Variants in SLC66A1 observed in about 807,000 individuals in gnomAD.
The protein encoded by SLC66A1 is lysosomal amino acid transporter 1 homolog.
SLC66A1 carries 23 observed loss-of-function variants against 33.0 expected under a neutral mutation model. The ratio of observed to expected loss-of-function variants is 0.70; its 90% CI spans 0.50 to 0.99. SLC66A1 has a LOEUF of 0.99. Among genes scored for constraint, SLC66A1 ranks in the 50% least tolerant of loss-of-function variants. The probability of loss-of-function intolerance (pLI) is 0.00; values close to 1 mark genes in which losing one functional copy is unlikely to be tolerated. For missense variants in SLC66A1, 335 were observed against 383.6 expected, an observed-to-expected ratio of 0.87 and a Z score of 1.06; for synonymous variants, 164 against 175.5, an observed-to-expected ratio of 0.93 and a Z score of 0.52.
downstream of SLC66A1, among the ~76,000 whole-genome samples, chr1:19,331,085 C>A (rs894947785): frequency 1.3e-5 from 2 of 152,218 alleles, no homozygotes; most frequent in African/African-American, 4.8e-5. Flanking sequence ...GATCTCAGCT[C>A]ACTGCAACCT....
At chr1:19,326,093 T>A in intron 4 of SLC66A1, 152 bp from the exon 5 acceptor site, 1 of 700,208 alleles carries the variant, frequency 1.4e-6, no homozygotes, top group South Asian at 1.9e-5. Flanking sequence ...GTTGTACCCA[T>A]TCGACAGATG....
rs2093787454 is a variant in SLC66A1 at position 19,313,330 on chromosome 1, A to G, written c.-79+441A>G. The G allele has an allele frequency of 4.2e-6, 3 of 715,710 alleles. No homozygotes were observed. The African/African-American group carries it at 6.2e-5, about 15-fold the overall frequency. 44.3% of individuals were successfully genotyped at this position (715,710 alleles called of 1,614,324 possible). A position where few individuals can be genotyped will look rare whatever the true frequency, so the allele number is the denominator to read the frequency against. ...TCTCTTCCACCCTTTCTCCTTTCTC[A>G]CCCGTTTCCTCTCTTCTTCACTCTG... On this transcript the variant is annotated intron_variant, in intron 1 of 7. Transcript: ENST00000375153.
At chr1:19,325,363 A>G in intron 3 of SLC66A1, 132 bp from the exon 4 acceptor site, 1 of 643,290 alleles carries the variant, frequency 1.6e-6, no homozygotes, top group Non-Finnish European at 2.7e-6. Context: ...TTGCCAGATA[A>G]GGAAACAGAA....
Position 19,328,458 on chromosome 1 carries a change from C to A in SLC66A1, c.805-114C>A. On this transcript the variant is annotated intron_variant, in intron 7 of 7. Transcript: ENST00000375153. The surrounding 1 kb of genome is among the most constrained non-coding windows in gnomAD (Gnocchi z 4.7). ...GGTTATGGCTGGCCCTTCCCACCTG[C>A]AGCGTGGGGGTGGGAGGGAGGGGAG... 1 of 961,626 alleles carries A rather than the reference C, an allele frequency of 1.0e-6. No individual in the cohort carries two copies. The highest frequency in any genetic ancestry group is 1.6e-6 in the Non-Finnish European group (1 of 623,394). The allele number at this position is 961,626 out of a possible 1,614,324, so 59.6% of individuals were successfully genotyped here.
chr1:19,317,471 A>G, intron 1 of SLC66A1, 129 bp from the exon 2 acceptor site: 1 of 1,216,166 alleles, frequency 8.2e-7, no homozygotes, highest in Non-Finnish European at 1.1e-6. Flanking sequence ...GGTGAAGATT[A>G]TGTCTTTGCC....
At chr1:19,332,491 C>T (rs75124641), downstream of SLC66A1, among the ~76,000 whole-genome samples, 1,467 of 152,270 alleles carry the variant, frequency 9.6e-3, 12 homozygotes, top group African/African-American at 0.033. Flanking sequence ...GGGCCAAGGC[C>T]GGGTGCAGTG....
chr1:19,324,527 G>T, intron 2 of SLC66A1, 106 bp from the exon 3 acceptor site: 1 of 1,412,606 alleles, frequency 7.1e-7, no homozygotes, highest in Non-Finnish European at 9.7e-7. Context: ...CCTCTCCATC[G>T]CCGCCTCGAT....
Position 19,325,567 on chromosome 1 carries a change from A to T in SLC66A1, c.367A>T (p.Thr123Ser). ...GCTGTACTTTTACTACAAGTTCAGG[A>T]CGCGCCCCTCTCTGTGTGAGTATGG... Reference protein sequence around the residue: ...LTLYFYYKFRTRPSLLSAPIN... With the variant: ...LTLYFYYKFRSRPSLLSAPIN... Residue 123 changes from threonine to serine, a missense_variant, in exon 4 of 8, where the codon ACG becomes TCG. Thr to Ser is a moderately conservative substitution (Grantham distance 58). Coordinates refer to ENST00000375153, the MANE Select transcript of SLC66A1 (RefSeq NM_001040125.2). 6.4e-7 allele frequency: 1 copy of T among 1,554,304 alleles called. No individual in the cohort carries two copies. The highest frequency in any genetic ancestry group is 8.8e-7 in the Non-Finnish European group (1 of 1,140,228).
At chr1:19,329,413 T>G (rs1161032512), downstream of SLC66A1, 2 of 152,610 alleles carry the variant, frequency 1.3e-5, no homozygotes, top group East Asian at 3.8e-4. Flanking sequence ...GGACCGCATC[T>G]GCCTGCAGCC....
chr1:19,322,339 C>T (rs2152007239), intron 2 of SLC66A1, among the ~76,000 whole-genome samples: 1 of 152,234 alleles, frequency 6.6e-6, no homozygotes, highest in African/African-American at 2.4e-5. Flanking sequence ...GATTGGAGGC[C>T]TGGGAGAGAG....
In SLC66A1 at chr1:19,328,587, C is replaced by G. The variant is rs1272863681; in HGVS notation, c.820C>G (p.Leu274Val). 3 of 1,613,634 alleles carry G rather than the reference C, an allele frequency of 1.9e-6. No homozygotes were observed. The highest frequency in any genetic ancestry group is 4.5e-5 in the East Asian group (2 of 44,882). ...GCACCCCCAGATCTCCATCCAGTTC[C>G]TGGTGTACAGGCGCAGCACCGCCGC... The part of the protein sequence containing the change: ...LLDTIISIQF[L>V]VYRRSTAASE... Residue 274 changes from leucine to valine, a missense_variant, in exon 8 of 8, where the codon CTG (leucine) becomes GTG (valine). By Grantham distance (32) the Leu-to-Val change is conservative (BLOSUM62 1). Transcript: ENST00000375153. The surrounding 1 kb of genome is among the most constrained non-coding windows in gnomAD (Gnocchi z 4.7).
At chr1:19,329,456 T>C (rs1037280118), downstream of SLC66A1, among the ~76,000 whole-genome samples, 2 of 152,096 alleles carry the variant, frequency 1.3e-5, no homozygotes, top group Non-Finnish European at 2.9e-5. Flanking sequence ...CTGGTTTCTT[T>C]AGCCTGCTTC....
At chr1:19,319,605 G>GTTTTTTTTTTGTTTTTTTTT (rs56769657) in intron 2 of SLC66A1, among the ~76,000 whole-genome samples, 7 of 111,868 alleles carry the variant, frequency 6.3e-5, no homozygotes, top group African/African-American at 2.4e-4. Context: ...GCACATTCAT[G>GTTTTTTTTTTGTTTTTTTTT]TTTTTTTTTT....
rs1442371929 is a variant in SLC66A1 at position 19,326,618 on chromosome 1, A to AC, written c.615dup (p.Asn206GlnfsTer81). Reference sequence around the variant, plus strand: ...GCTTTCCCGGCTGCCTCAGATCCGCACCAACGTGAGCCTCCAGCAGGGGCT... The same window carrying AC: ...GCTTTCCCGGCTGCCTCAGATCCGCACCCAACGTGAGCCTCCAGCAGGGGCT... On this transcript the variant is annotated frameshift_variant, in exon 6 of 8. Transcript: ENST00000375153. LOFTEE classifies it high-confidence loss of function. The AC allele has an allele frequency of 1.9e-6, 3 of 1,614,092 alleles. No individual in the cohort carries two copies. In the Admixed American group the frequency reaches 5.0e-5, roughly 27 times the overall value.
chr1:19,316,635 G>A (rs1344714713), intron 1 of SLC66A1, among the ~76,000 whole-genome samples: 2 of 151,774 alleles, frequency 1.3e-5, no homozygotes, highest in African/African-American at 4.8e-5. Context: ...TCCCACCTCA[G>A]CCTCCTAGAG....
At chr1:19,316,353 TTGTG>T (rs36226389) in intron 1 of SLC66A1, among the ~76,000 whole-genome samples, 5,140 of 144,872 alleles carry the variant, frequency 0.035, 134 homozygotes, top group East Asian at 0.11. Flanking sequence ...TCTTTATGGT[TTGTG>T]TGTGTGTGTG....
chr1:19,330,431 C>T (rs1489271264), downstream of SLC66A1, among the ~76,000 whole-genome samples: 1 of 152,208 alleles, frequency 6.6e-6, no homozygotes, highest in Non-Finnish European at 1.5e-5. Context: ...TCAGCCTTTG[C>T]TGTGTCAGAC....
intron 2 of SLC66A1, among the ~76,000 whole-genome samples, chr1:19,323,465 G>A (rs998433194): frequency 1.3e-5 from 2 of 152,102 alleles, no homozygotes; most frequent in African/African-American, 2.4e-5. Context: ...GGAGTGCAGT[G>A]GTGTGATCTC....
At chr1:19,330,442 A>C (rs1470124793), downstream of SLC66A1, among the ~76,000 whole-genome samples, 1 of 152,076 alleles carries the variant, frequency 6.6e-6, no homozygotes, top group East Asian at 1.9e-4. Context: ...TGTGTCAGAC[A>C]CCGGGGCTGT....
Sources: allele counts gnomAD v4.1 joint callset (sites outside exome capture counted in the v4.1 genomes callset), GRCh38; gene constraint gnomAD v4.1.1; non-coding constraint Gnocchi (gnomAD v3.1); transcripts MANE v1.5; gene names NCBI Gene and HGNC (gene_info 2026-07-23, HGNC 2026-07-21).